DCC: variants seen among roughly 807,000 people sequenced by gnomAD.
DCC encodes the protein DCC netrin 1 receptor.
Under a neutral mutation model 172.5 loss-of-function variants are expected in DCC, and 58 were observed. The ratio of observed to expected loss-of-function variants is 0.34; its 90% CI spans 0.27 to 0.42. The LOEUF (loss-of-function observed/expected upper bound fraction) is 0.42, where lower values mean the gene tolerates loss of function less well. Among genes scored for constraint, DCC ranks in the 10% least tolerant of loss-of-function variants. The pLI is 1.00. For missense variants in DCC, 1,740 were observed against 1,791.0 expected (o/e 0.97, Z 0.51); for synonymous variants, 709 against 644.5 (o/e 1.10, Z -1.52).
chr18:52,453,146 G>A (rs1988357117), intron 1 of DCC, among the ~76,000 whole-genome samples: 1 of 152,140 alleles, frequency 6.6e-6, no homozygotes, highest in African/African-American at 2.4e-5. Flanking sequence ...AAATAAAAGA[G>A]CAGCTAAGCT....
At chr18:52,708,408 C>T (rs1599036046) in intron 1 of DCC, among the ~76,000 whole-genome samples, 5 of 150,074 alleles carry the variant, frequency 3.3e-5, no homozygotes, top group Admixed American at 2.7e-4. Flanking sequence ...CACCACTGCA[C>T]TCCAGCCTGG....
intron 8 of DCC, among the ~76,000 whole-genome samples, chr18:53,158,442 T>C (rs936157126): frequency 6.6e-6 from 1 of 152,204 alleles, no homozygotes; most frequent in Non-Finnish European, 1.5e-5. Context: ...CAGGGATTCA[T>C]GTCCTAGGGT....
At chr18:53,291,921 G>A (rs1472022788) in intron 12 of DCC, among the ~76,000 whole-genome samples, 1 of 152,200 alleles carries the variant, frequency 6.6e-6, no homozygotes, top group South Asian at 2.1e-4. Context: ...TTGTCAAAAC[G>A]TGAATACCTC....
At chr18:53,092,112 C>A (rs1324174661) in intron 7 of DCC, among the ~76,000 whole-genome samples, 1 of 151,946 alleles carries the variant, frequency 6.6e-6, no homozygotes, top group African/African-American at 2.4e-5. Flanking sequence ...TGTTCATTTT[C>A]GTCACATAAA....
At chr18:53,109,303 T>G (rs1001502467) in intron 7 of DCC, among the ~76,000 whole-genome samples, 3 of 151,492 alleles carry the variant, frequency 2.0e-5, no homozygotes, top group Admixed American at 6.6e-5. Context: ...AATAGTATTT[T>G]AATATTTTAT....
intron 1 of DCC, among the ~76,000 whole-genome samples, chr18:52,405,025 G>T (rs1986587950): frequency 6.6e-6 from 1 of 151,730 alleles, no homozygotes; most frequent in South Asian, 2.1e-4. Flanking sequence ...GTATTCCATG[G>T]TGTATATGTG....
chr18:53,301,224 G>A (rs1286914102), intron 12 of DCC, among the ~76,000 whole-genome samples: 2 of 151,568 alleles, frequency 1.3e-5, no homozygotes, highest in Admixed American at 1.3e-4. Context: ...CAAGTAGGTG[G>A]GATTACAGGC....
intron 2 of DCC, among the ~76,000 whole-genome samples, chr18:52,876,821 A>G (rs955319839): frequency 3.5e-5 from 5 of 144,362 alleles, no homozygotes; most frequent in African/African-American, 1.0e-4. Flanking sequence ...CTCCCCTTTA[A>G]AATTGCCTCT....
chr18:53,505,749 C>CAAAG (rs2046165762), intron 27 of DCC, among the ~76,000 whole-genome samples: 2 of 152,084 alleles, frequency 1.3e-5, no homozygotes, highest in South Asian at 4.2e-4. Flanking sequence ...ATGTAAGCTA[C>CAAAG]AAAGAATGTA....
chr18:53,101,228 G>A (rs913532596), intron 7 of DCC, among the ~76,000 whole-genome samples: 1 of 152,128 alleles, frequency 6.6e-6, no homozygotes, highest in African/African-American at 2.4e-5. Flanking sequence ...TGGCGTGTCT[G>A]TCCTTTCTCT....
intron 1 of DCC, among the ~76,000 whole-genome samples, chr18:52,542,710 A>C (rs552587998): frequency 4.6e-5 from 7 of 152,074 alleles, no homozygotes; most frequent in Admixed American, 1.3e-4. Flanking sequence ...GTGGTGGTGC[A>C]TGCCTGTAAT....
intron 5 of DCC, among the ~76,000 whole-genome samples, chr18:52,937,138 A>G (rs1302215906): frequency 6.6e-6 from 1 of 152,140 alleles, no homozygotes; most frequent in Non-Finnish European, 1.5e-5. Context: ...CACCCGTGGT[A>G]TATGAGTGTT....
At chr18:53,213,659 A>C (rs1226951938) in intron 11 of DCC, among the ~76,000 whole-genome samples, 2 of 150,126 alleles carry the variant, frequency 1.3e-5, no homozygotes, top group Non-Finnish European at 3.0e-5. Flanking sequence ...AAAAAAAAAA[A>C]AAAAAAAAAA....
At chr18:52,891,154 T>A (rs1016432448) in intron 2 of DCC, among the ~76,000 whole-genome samples, 1 of 152,106 alleles carries the variant, frequency 6.6e-6, no homozygotes, top group Non-Finnish European at 1.5e-5. Context: ...ATTTCTGTAA[T>A]ATTGGGGTTT....
At chr18:52,469,694 A>G (rs1049189938) in intron 1 of DCC, among the ~76,000 whole-genome samples, 2 of 152,178 alleles carry the variant, frequency 1.3e-5, no homozygotes, top group East Asian at 3.9e-4. Context: ...AACAAACACA[A>G]TCTCAATAAG....
rs1198080837 is a variant in DCC at position 53,468,370 on chromosome 18, T to A, written c.3736+360T>A. 1.0e-4 allele frequency among the ~76,000 whole-genome samples: 14 copies of A among 136,104 alleles called. 1 individual carries two copies. The highest frequency in any genetic ancestry group is 3.8e-4 in the African/African-American group (14 of 36,644). 89.3% of individuals were successfully genotyped at this position (136,104 alleles called of 152,430 possible). On this transcript the variant is annotated intron_variant, in intron 25 of 28. Transcript: ENST00000442544. Reference sequence around the variant, plus strand: ...TATTTATTTATTTATTTATTTTATTTATTTATTTATTTTATTTATTTATTT... The same window carrying A: ...TATTTATTTATTTATTTATTTTATTAATTTATTTATTTTATTTATTTATTT...
chr18:52,354,909 C>T (rs776391971), intron 1 of DCC, among the ~76,000 whole-genome samples: 3 of 152,040 alleles, frequency 2.0e-5, no homozygotes, highest in African/African-American at 4.8e-5. Flanking sequence ...TTTCAGAGTG[C>T]TTGTGAGAAA....
At chr18:53,498,324 ATTATC>A (rs576846476) in intron 26 of DCC, among the ~76,000 whole-genome samples, 209 of 152,322 alleles carry the variant, frequency 1.4e-3, no homozygotes, top group African/African-American at 4.8e-3. Flanking sequence ...AAAGCAAGAT[ATTATC>A]TTATATCACT....
At chr18:52,373,344 T>A (rs1985205860) in intron 1 of DCC, among the ~76,000 whole-genome samples, 1 of 152,190 alleles carries the variant, frequency 6.6e-6, no homozygotes, top group Admixed American at 6.5e-5. Context: ...TTCTATGCTG[T>A]TCTACTTTTG....
Sources: gnomAD v4.1 joint callset for allele counts (sites outside exome capture counted in the v4.1 genomes callset) on GRCh38, gnomAD v4.1.1 for gene constraint, MANE v1.5 for transcripts, NCBI Gene and HGNC (gene_info 2026-07-23, HGNC 2026-07-21) for gene names.